The following DMD variants were observed in gnomAD, a reference collection of about 807,000 sequenced individuals.
DMD encodes dystrophin, also known as mutant dystrophin.
A neutral mutation model predicts 330.1 loss-of-function variants in DMD; 63 were observed. The ratio of observed to expected loss-of-function variants is 0.19; its 90% CI spans 0.16 to 0.24. The LOEUF is 0.24. Ranked by LOEUF, DMD falls within the 10% of genes least tolerant of loss-of-function variation. DMD has a pLI of 1.00. For missense variants in DMD, 3,344 were observed against 2,684.1 expected, an observed-to-expected ratio of 1.25 and a Z score of -5.43; for synonymous variants, 1,223 against 959.8, an observed-to-expected ratio of 1.27 and a Z score of -5.07.
At chrX:31,482,115 A>G (rs1393171345) in intron 57 of DMD, among the ~76,000 whole-genome samples, 1 of 110,750 alleles carries the variant, frequency 9.0e-6, no homozygotes, top group Non-Finnish European at 1.9e-5. Flanking sequence ...CAGCAACAAT[A>G]TTTACTGTAA....
intron 1 of DMD, among the ~76,000 whole-genome samples, chrX:33,210,253 G>T (rs185572401): frequency 4.1e-4 from 45 of 109,793 alleles, no homozygotes; most frequent in African/African-American, 1.5e-3. Flanking sequence ...TAGTTGTGGA[G>T]CATTACTTAT....
At chrX:32,989,084 A>G (rs2092916594) in intron 2 of DMD, among the ~76,000 whole-genome samples, 1 of 111,755 alleles carries the variant, frequency 8.9e-6, no homozygotes, top group African/African-American at 3.2e-5. Flanking sequence ...AACAACATAT[A>G]CCAGGGTAGG....
intron 57 of DMD, among the ~76,000 whole-genome samples, chrX:31,496,541 T>C (rs2069871160): frequency 8.9e-6 from 1 of 112,163 alleles, no homozygotes; most frequent in Admixed American, 9.4e-5. Context: ...TGTTCAATAT[T>C]TTTCATCATG....
At chrX:32,464,258 A>C (rs965831948) in intron 24 of DMD, among the ~76,000 whole-genome samples, 1 of 111,478 alleles carries the variant, frequency 9.0e-6, no homozygotes, top group Non-Finnish European at 1.9e-5. Context: ...AGTACAAGGC[A>C]ATGTTTTGTC....
intron 44 of DMD, among the ~76,000 whole-genome samples, chrX:32,204,419 A>G (rs1313382929): frequency 8.9e-6 from 1 of 112,520 alleles, no homozygotes; most frequent in Non-Finnish European, 1.9e-5. Flanking sequence ...CTGCAATGAA[A>G]TAAATCTTGT....
chrX:32,387,182 G>T (rs2097964420), intron 32 of DMD, among the ~76,000 whole-genome samples: 2 of 110,712 alleles, frequency 1.8e-5, no homozygotes, highest in South Asian at 3.8e-4. Context: ...AACATAGGTT[G>T]CTATAAAAAA....
chrX:32,983,528 TACACACACACACAC>T lies in DMD; in HGVS notation c.93+36597_93+36610del, dbSNP rs561986393. On this transcript the variant is annotated intron_variant, in intron 2 of 78. Transcript: ENST00000357033. ...TGTGATGAAACTGTACAGAACTAAATACACACACACACACACACACACACACACACACACACACA... is the reference window on the plus strand; with the variant it reads ...TGTGATGAAACTGTACAGAACTAAATACACACACACACACACACACACACA... 3.5e-3 allele frequency among the ~76,000 whole-genome samples: 254 copies of T among 73,554 alleles called. 2 individuals are homozygous for T. The highest frequency in any genetic ancestry group is 0.012 in the African/African-American group (221 of 18,586). 63.9% of individuals were successfully genotyped at this position (73,554 alleles called of 115,157 possible). A position where few individuals can be genotyped will look rare whatever the true frequency, so the allele number is the denominator to read the frequency against.
rs2052675741 is a variant in DMD, at chrX:32,573,594, T to C, written c.1748A>G (p.Asn583Ser). ...TTTAAAGCCAGTTGTGTGAATCTTG[T>C]TCACTGCATCTTCTTTTTCTGAAAG... Reference protein sequence around the residue: ...AWLSEKEDAVNKIHTTGFKDQ... With the variant: ...AWLSEKEDAVSKIHTTGFKDQ... The change falls in exon 15 of 79, where the codon AAC (asparagine) becomes AGC (serine). Residue 583 changes from asparagine to serine, a missense_variant. Transcript: ENST00000357033. 8.3e-7 allele frequency: 1 copy of C among 1,211,925 alleles called. No individual in the cohort carries two copies.
intron 44 of DMD, among the ~76,000 whole-genome samples, chrX:31,997,833 A>T (rs1479132036): frequency 1.8e-5 from 2 of 111,840 alleles, no homozygotes; most frequent in East Asian, 2.8e-4. Flanking sequence ...TGAAAATTTC[A>T]TTTTAAGTGA....
At chrX:31,639,825 G>C (rs1178551299) in intron 54 of DMD, among the ~76,000 whole-genome samples, 2 of 111,681 alleles carry the variant, frequency 1.8e-5, no homozygotes, top group Non-Finnish European at 3.8e-5. Flanking sequence ...TAATCGTAAA[G>C]AAGGTATTAC....
intron 44 of DMD, among the ~76,000 whole-genome samples, chrX:32,163,368 G>A (rs1440085364): frequency 1.8e-5 from 2 of 112,155 alleles, no homozygotes; most frequent in East Asian, 5.6e-4. Flanking sequence ...TCTCCACTCC[G>A]TGGCTAGAAC....
At chrX:32,528,130 G>A (rs751405251) in intron 17 of DMD, among the ~76,000 whole-genome samples, 5 of 111,220 alleles carry the variant, frequency 4.5e-5, no homozygotes, top group East Asian at 2.8e-4. Context: ...CCACCATGAC[G>A]AAACCCCGTC....
At chrX:31,334,420 G>C (rs1011176938) in intron 61 of DMD, among the ~76,000 whole-genome samples, 1 of 111,336 alleles carries the variant, frequency 9.0e-6, no homozygotes, top group African/African-American at 3.3e-5. Flanking sequence ...GACAATATGC[G>C]TTAATACTCA....
intron 44 of DMD, among the ~76,000 whole-genome samples, chrX:32,207,678 A>G (rs939131299): frequency 8.9e-6 from 1 of 112,047 alleles, no homozygotes; most frequent in Admixed American, 9.5e-5. Flanking sequence ...AGCACTGGTT[A>G]TGAGATTAAA....
Position 31,444,456 on chromosome X carries a change from A to T in DMD, c.9084+25T>A, listed in dbSNP as rs757809885. 5.8e-6 allele frequency: 7 copies of T among 1,208,731 alleles called. No individual in the cohort carries two copies. The East Asian group carries it at 2.1e-4, about 36-fold the overall frequency. On this transcript the variant is annotated intron_variant, in intron 60 of 78. Coordinates refer to ENST00000357033, the MANE Select transcript of DMD (RefSeq NM_004006.3). ...GTATATTATTTTACTGTAACAAAGG[A>T]CAACAATGTTTACAATGTGCTTACC...
chrX:33,057,539 A>G (rs965463183), intron 1 of DMD, among the ~76,000 whole-genome samples: 23 of 112,351 alleles, frequency 2.0e-4, no homozygotes, highest in African/African-American at 7.4e-4. Flanking sequence ...CTACGCATGC[A>G]TAGAAAACTA....
intron 62 of DMD, among the ~76,000 whole-genome samples, chrX:31,289,290 CA>C (rs199636742): frequency 0.1 from 7,567 of 75,918 alleles, 513 homozygotes; most frequent in African/African-American, 0.2. Flanking sequence ...AAATCCATCT[CA>C]AAAAAAAAAA....
At chrX:32,240,022 G>A (rs943614625) in intron 43 of DMD, among the ~76,000 whole-genome samples, 5 of 110,940 alleles carry the variant, frequency 4.5e-5, no homozygotes, top group African/African-American at 6.6e-5. Context: ...TCTGCTTTTT[G>A]TTTTTATGTT....
At chrX:33,145,395 T>C (rs1191020278) in intron 1 of DMD, among the ~76,000 whole-genome samples, 1 of 111,555 alleles carries the variant, frequency 9.0e-6, no homozygotes, top group Non-Finnish European at 1.9e-5. Flanking sequence ...TCACTCACTA[T>C]CTCAACTCAG....
Sources: allele counts gnomAD v4.1 joint callset (sites outside exome capture counted in the v4.1 genomes callset), GRCh38; gene constraint gnomAD v4.1.1; transcripts MANE v1.5; gene names NCBI Gene and HGNC (gene_info 2026-07-23, HGNC 2026-07-21).